Variants in MAML3 observed in about 807,000 individuals in gnomAD.
The protein encoded by MAML3 is mastermind-like protein 3.
MAML3 carries 27 observed loss-of-function variants against 101.9 expected under a neutral mutation model. That is an observed-to-expected ratio of 0.27 (90% confidence interval 0.20 to 0.37). The LOEUF (loss-of-function observed/expected upper bound fraction) is 0.37, where lower values mean the gene tolerates loss of function less well. Ranked by LOEUF, MAML3 falls within the 10% of genes least tolerant of loss-of-function variation. MAML3 has a pLI of 1.00. For synonymous variants in MAML3, 501 were observed against 555.9 expected (o/e 0.90, Z 1.39); for missense variants, 1,316 against 1,444.9 (o/e 0.91, Z 1.45).
At chr4:139,902,326 T>C (rs1732743386) in intron 1 of MAML3, among the ~76,000 whole-genome samples, 1 of 152,186 alleles carries the variant, frequency 6.6e-6, no homozygotes, top group Non-Finnish European at 1.5e-5. Flanking sequence ...ATAATTCTTA[T>C]TTCTAGACAG....
At chr4:139,728,261 C>T (rs1239200024) in intron 3 of MAML3, among the ~76,000 whole-genome samples, 4 of 152,126 alleles carry the variant, frequency 2.6e-5, no homozygotes, top group Non-Finnish European at 5.9e-5. Flanking sequence ...CCTTGTAGAC[C>T]TGCACTTGGA....
chr4:140,109,092 TGTCTC>T, intron 1 of MAML3, among the ~76,000 whole-genome samples: 1 of 152,212 alleles, frequency 6.6e-6, no homozygotes, highest in African/African-American at 2.4e-5. Context: ...TTACACTTAT[TGTCTC>T]AACATTTGAA....
In MAML3 at chr4:140,072,819, GT is replaced by G. The variant is rs1727684175; in HGVS notation, c.468+80040del. On this transcript the variant is annotated intron_variant, in intron 1 of 4. Transcript: ENST00000509479. Reference sequence around the variant, plus strand: ...CCCCCATGGACACCAAGGGACAGCTGTACCTCACCAGTAGAAAAATATAAAA... The same window carrying G: ...CCCCCATGGACACCAAGGGACAGCTGACCTCACCAGTAGAAAAATATAAAA... 3.9e-5 allele frequency among the ~76,000 whole-genome samples: 6 copies of G among 152,312 alleles called. 1 individual carries two copies. In the South Asian group the frequency reaches 1.2e-3, roughly 32 times the overall value.
rs536646895 is a variant in MAML3 at position 140,125,575 on chromosome 4, A to G, written c.468+27285T>C. ...ACTCATGCACAAGGCAAACTGACTG[A>G]CCACATCACTCCTATGTAGAGGAGA... On this transcript the variant is annotated intron_variant, in intron 1 of 4. Coordinates refer to ENST00000509479, the MANE Select transcript of MAML3 (RefSeq NM_018717.5). Among the ~76,000 whole-genome samples the G allele has an allele frequency of 6.6e-5, 10 of 152,290 alleles. No homozygotes were observed. In the East Asian group the frequency reaches 1.7e-3, roughly 26 times the overall value.
chr4:140,153,559 C>T lies in MAML3; in HGVS notation c.-232G>A, dbSNP rs1729217847. The T allele has an allele frequency of 2.0e-6, 1 of 507,094 alleles. No homozygotes were observed. The highest frequency in any genetic ancestry group is 3.4e-6 in the Non-Finnish European group (1 of 291,114). The allele number at this position is 507,094 out of a possible 1,614,324, so 31.4% of individuals were successfully genotyped here. The stretch of plus-strand genomic sequence containing the variant: ...GCTCAAGGGGAAGAAAAGGGGGGAA[C>T]GTTATCGGAATACCATCAGACACCT... On this transcript the variant is annotated 5_prime_UTR_variant, in exon 1 of 5. Coordinates refer to ENST00000509479, the MANE Select transcript of MAML3 (RefSeq NM_018717.5).
At chr4:139,989,882 C>CAGAGAG (rs141031028) in intron 1 of MAML3, among the ~76,000 whole-genome samples, 830 of 63,110 alleles carry the variant, frequency 0.013, 6 homozygotes, top group African/African-American at 0.037. Flanking sequence ...CACACACACA[C>CAGAGAG]AGAGAGAGAG....
intron 1 of MAML3, among the ~76,000 whole-genome samples, chr4:140,026,457 T>C (rs1726826482): frequency 6.6e-6 from 1 of 152,158 alleles, no homozygotes; most frequent in African/African-American, 2.4e-5. Flanking sequence ...TTTCACCACG[T>C]TGGCCAGGCT....
intron 1 of MAML3, among the ~76,000 whole-genome samples, chr4:140,037,789 GA>G (rs1446551848): frequency 2.0e-5 from 3 of 152,184 alleles, no homozygotes; most frequent in African/African-American, 7.2e-5. Flanking sequence ...GTACTTTTCA[GA>G]AAATCATTTT....
At chr4:139,744,074 C>T (rs1017417474) in intron 2 of MAML3, among the ~76,000 whole-genome samples, 55 of 152,134 alleles carry the variant, frequency 3.6e-4, no homozygotes, top group Non-Finnish European at 6.2e-4. Flanking sequence ...CCAAATATAT[C>T]CTGTAGTCAG....
rs769253922 is a variant in MAML3 at position 140,152,968 on chromosome 4, C to G, written c.360G>C (p.Gln120His). Reference protein sequence around the residue: ...TVSLYQRTLEQRAKKSGAGTG... With the variant: ...TVSLYQRTLEHRAKKSGAGTG... The stretch of plus-strand genomic sequence containing the variant: ...TGCCGGCGCCCGATTTCTTGGCCCT[C>G]TGCTCCAGGGTCCGCTGGTAGAGGC... The change falls in exon 1 of 5, where the codon CAG becomes CAC. Residue 120 changes from glutamine (Q) to histidine (H), a missense_variant. Transcript: ENST00000509479. The G allele has an allele frequency of 6.2e-7, 1 of 1,611,676 alleles. No individual in the cohort carries two copies. Among genetic ancestry groups the G allele is most frequent in the Non-Finnish European group, 8.5e-7 (1 of 1,179,082 alleles).
rs560829998 is a variant in MAML3, at chr4:139,730,617, G to A, written c.2130C>T (p.Ser710=). 2.5e-5 allele frequency: 40 copies of A among 1,612,970 alleles called. No homozygotes were observed. In the East Asian group the frequency reaches 6.0e-4, roughly 24 times the overall value. Reference sequence around the variant, plus strand: ...CCATGCCACCTGAGCCTGGGGGCACGGAGGACTGCATGGGGCCTGTGGTTC... The same window carrying A: ...CCATGCCACCTGAGCCTGGGGGCACAGAGGACTGCATGGGGCCTGTGGTTC... ...LPRTTGPMQS[S]VPPGSGGMVS... Residue 710 remains serine, a synonymous_variant, in exon 3 of 5, where the codon TCC becomes TCT. Transcript: ENST00000509479.
intron 1 of MAML3, among the ~76,000 whole-genome samples, chr4:140,118,267 G>A (rs759799046): frequency 1.4e-4 from 21 of 151,478 alleles, no homozygotes; most frequent in Non-Finnish European, 2.8e-4. Context: ...GCCCTACCGT[G>A]TACTAGCTGT....
chr4:139,865,646 C>T (rs544544128), intron 2 of MAML3, among the ~76,000 whole-genome samples: 108 of 152,274 alleles, frequency 7.1e-4, no homozygotes, highest in African/African-American at 2.4e-3. Flanking sequence ...CCTCTTCCCC[C>T]CAAAATGAAC....
intron 2 of MAML3, among the ~76,000 whole-genome samples, chr4:139,786,919 G>A (rs544146450): frequency 2.4e-4 from 36 of 152,282 alleles, no homozygotes; most frequent in African/African-American, 7.5e-4. Flanking sequence ...TATTCCACCC[G>A]GGGACATCCC....
chr4:140,080,624 C>G (rs917229985), intron 1 of MAML3, among the ~76,000 whole-genome samples: 19 of 152,226 alleles, frequency 1.2e-4, no homozygotes, highest in African/African-American at 4.1e-4. Flanking sequence ...AACCTACCCT[C>G]TAAAATTGCA....
At chr4:140,024,808 G>A (rs1238951598) in intron 1 of MAML3, among the ~76,000 whole-genome samples, 1 of 152,184 alleles carries the variant, frequency 6.6e-6, no homozygotes, top group Non-Finnish European at 1.5e-5. Flanking sequence ...ACACTGGTTA[G>A]AGACGTGAAA....
chr4:140,071,787 G>GAGAGAGAGAGAGAGAGA (rs1265006286), intron 1 of MAML3, among the ~76,000 whole-genome samples: 106 of 151,350 alleles, frequency 7.0e-4, no homozygotes, highest in African/African-American at 2.5e-3. Flanking sequence ...GAGAGAGAGA[G>GAGAGAGAGAGAGAGAGA]AAGGCACGCA....
chr4:139,984,459 A>G (rs1158134335), intron 1 of MAML3, among the ~76,000 whole-genome samples: 1 of 152,194 alleles, frequency 6.6e-6, no homozygotes, highest in Non-Finnish European at 1.5e-5. Flanking sequence ...TGTATGAAAA[A>G]GTCAACATAC....
chr4:140,144,089 C>T (rs968827557), intron 1 of MAML3, among the ~76,000 whole-genome samples: 5 of 152,164 alleles, frequency 3.3e-5, no homozygotes, highest in Admixed American at 6.5e-5. Context: ...TTCTCTGTTA[C>T]GGGTGTAATC....
Sources: allele counts gnomAD v4.1 joint callset (sites outside exome capture counted in the v4.1 genomes callset), GRCh38; gene constraint gnomAD v4.1.1; transcripts MANE v1.5; gene names NCBI Gene and HGNC (gene_info 2026-07-23, HGNC 2026-07-21).